Variants in LARGE1 observed in about 807,000 individuals in gnomAD.
LARGE1 encodes LARGE xylosyl- and glucuronyltransferase 1.
A neutral mutation model predicts 87.6 loss-of-function variants in LARGE1; 43 were observed. The observed-to-expected ratio is 0.49, with a 90% CI of 0.38 to 0.63. The LOEUF is 0.63. Ranked by LOEUF, LARGE1 falls within the 30% of genes least tolerant of loss-of-function variation. LARGE1 has a pLI of 0.00. For synonymous variants in LARGE1, 434 were observed against 394.6 expected (o/e 1.10, Z -1.18); for missense variants, 802 against 1,000.2 (o/e 0.80, Z 2.67).
chr22:33,168,017 G>C (rs1392725738), intron 11 of LARGE1, among the ~76,000 whole-genome samples: 1 of 152,110 alleles, frequency 6.6e-6, no homozygotes, highest in Non-Finnish European at 1.5e-5. Context: ...CCTCCTACCA[G>C]CCATTCTTAA....
chr22:33,073,895 TGTAA>T, the LARGE1 span, among the ~76,000 whole-genome samples: 1 of 152,192 alleles, frequency 6.6e-6, no homozygotes, highest in East Asian at 1.9e-4. Flanking sequence ...AGACAGCGAC[TGTAA>T]GTAATACCAT....
At chr22:33,427,023 T>C (rs2066904255) in intron 7 of LARGE1, among the ~76,000 whole-genome samples, 1 of 152,172 alleles carries the variant, frequency 6.6e-6, no homozygotes, top group Non-Finnish European at 1.5e-5. Context: ...TAGCCCTCCT[T>C]CCCCTTTTCT....
intron 12 of LARGE1, among the ~76,000 whole-genome samples, chr22:33,300,903 T>C (rs1569029164): frequency 6.6e-6 from 1 of 152,126 alleles, no homozygotes; most frequent in Admixed American, 6.6e-5. Context: ...CTCGAATTCC[T>C]GGGTTCAAGC....
intron 1 of LARGE1, among the ~76,000 whole-genome samples, chr22:33,861,129 C>G (rs1288569126): frequency 1.3e-5 from 2 of 152,180 alleles, no homozygotes; most frequent in Non-Finnish European, 2.9e-5. Flanking sequence ...CTTCCACCCC[C>G]CTTATTCCCA....
intron 2 of LARGE1, chr22:33,733,320 A>AC (rs2083536623): frequency 6.6e-6 from 1 of 152,154 alleles, no homozygotes; most frequent in Non-Finnish European, 1.5e-5. Context: ...TTTTTAATAC[A>AC]CCCCACATTC....
intron 10 of LARGE1, among the ~76,000 whole-genome samples, chr22:33,316,907 C>G (rs1241820042): frequency 6.6e-6 from 1 of 152,148 alleles, no homozygotes; most frequent in Admixed American, 6.5e-5. Flanking sequence ...CTCAGCATAA[C>G]AATTTCAAAT....
At chr22:33,300,192 C>T (rs973727111) in intron 12 of LARGE1, among the ~76,000 whole-genome samples, 6 of 152,220 alleles carry the variant, frequency 3.9e-5, no homozygotes, top group African/African-American at 1.2e-4. Context: ...AGGAAGGCTG[C>T]TTTCCTCCTC....
At chr22:33,730,552 T>C (rs1362284471) in intron 2 of LARGE1, among the ~76,000 whole-genome samples, 1 of 152,234 alleles carries the variant, frequency 6.6e-6, no homozygotes, top group African/African-American at 2.4e-5. Flanking sequence ...GTGTCCCTAG[T>C]TCCCATGTTG....
At chr22:33,485,442 G>A (rs1024861370) in intron 6 of LARGE1, among the ~76,000 whole-genome samples, 1 of 151,422 alleles carries the variant, frequency 6.6e-6, no homozygotes, top group African/African-American at 2.4e-5. Flanking sequence ...TTGAACTACC[G>A]ACCTCAGGTG....
intron 9 of LARGE1, among the ~76,000 whole-genome samples, chr22:33,380,543 G>A (rs997942402): frequency 6.6e-6 from 1 of 152,154 alleles, no homozygotes; most frequent in African/African-American, 2.4e-5. Flanking sequence ...GGAGTGGCTA[G>A]GTAACAGACT....
intron 6 of LARGE1, among the ~76,000 whole-genome samples, chr22:33,480,341 T>A (rs2069264556): frequency 6.6e-6 from 1 of 152,160 alleles, no homozygotes; most frequent in African/African-American, 2.4e-5. Context: ...TAAAACAATT[T>A]TTATGGGTTT....
chr22:33,912,918 T>C (rs1380571556), intron 1 of LARGE1, among the ~76,000 whole-genome samples: 1 of 151,752 alleles, frequency 6.6e-6, no homozygotes, highest in Admixed American at 6.6e-5. Context: ...GTAACCTCCG[T>C]CTCTGGAGTT....
intron 11 of LARGE1, among the ~76,000 whole-genome samples, chr22:33,256,087 C>A (rs1332335250): frequency 1.3e-5 from 2 of 152,198 alleles, no homozygotes; most frequent in Non-Finnish European, 2.9e-5. Context: ...GCTTCCTCTG[C>A]CAGCCGAGCA....
At chr22:33,166,494 T>C (rs567183539) in exon 12 of LARGE1, 1 of 322,650 alleles carries the variant, frequency 3.1e-6, no homozygotes, top group African/African-American at 2.2e-5. Flanking sequence ...TCACCTGGCA[T>C]GTACCACTTC....
intron 1 of LARGE1, among the ~76,000 whole-genome samples, chr22:33,905,897 A>G (rs1031383516): frequency 6.6e-6 from 1 of 152,144 alleles, no homozygotes; most frequent in African/African-American, 2.4e-5. Context: ...TGGGAGGCTG[A>G]GGAGGGTGTA....
At chr22:33,070,777 C>T in the LARGE1 span, among the ~76,000 whole-genome samples, 1 of 152,162 alleles carries the variant, frequency 6.6e-6, no homozygotes, top group South Asian at 2.1e-4. Context: ...GTGTTCCAGG[C>T]ACATTTTGTG....
chr22:33,649,724 G>C (rs930090190), intron 3 of LARGE1, among the ~76,000 whole-genome samples: 1 of 152,158 alleles, frequency 6.6e-6, no homozygotes, highest in Non-Finnish European at 1.5e-5. Flanking sequence ...ATGAGAACTG[G>C]AAACAATGGG....
intron 6 of LARGE1, among the ~76,000 whole-genome samples, chr22:33,510,498 C>T (rs374285160): frequency 2.3e-4 from 35 of 152,300 alleles, no homozygotes; most frequent in East Asian, 9.6e-4. Context: ...CTATCACCTC[C>T]GCTGGTAAGT....
intron 14 of LARGE1, among the ~76,000 whole-genome samples, chr22:33,275,313 G>A (rs547692387): frequency 3.9e-5 from 6 of 152,206 alleles, no homozygotes; most frequent in East Asian, 3.9e-4. Context: ...AGGTCATATC[G>A]CTTAGAGGAG....
Sources: allele counts gnomAD v4.1 joint callset (sites outside exome capture counted in the v4.1 genomes callset), GRCh38; gene constraint gnomAD v4.1.1; transcripts MANE v1.5; gene names NCBI Gene and HGNC (gene_info 2026-07-23, HGNC 2026-07-21).